Variants in GNMT observed in about 807,000 individuals in gnomAD.
GNMT encodes epididymis secretory sperm binding protein Li 182mP.
GNMT carries 26 observed loss-of-function variants against 30.2 expected under a neutral mutation model. The observed-to-expected ratio is 0.86, with a 90% confidence interval of 0.63 to 1.19. GNMT has a LOEUF of 1.19. GNMT is among the 50% of genes most tolerant of loss of function. The pLI, the probability that GNMT is intolerant of heterozygous loss-of-function variation, is 0.00. For synonymous variants in GNMT, 163 were observed against 163.8 expected (o/e 1.00, Z 0.04); for missense variants, 365 against 398.1 (o/e 0.92, Z 0.71).
rs370786846 is a variant in GNMT at position 42,962,767 on chromosome 6, G to C, written c.340G>C (p.Glu114Gln). The change falls in exon 3 of 6, where the codon GAA (glutamate) becomes CAA (glutamine). Residue 114 changes from glutamate (E) to glutamine (Q), a missense_variant. By Grantham distance (29) the Glu-to-Gln change is conservative. Around this residue, in one of 3 missense-constraint regions of GNMT, gnomAD observed 232 missense variants for 263.0 expected, o/e 0.88. Transcript: ENST00000372808. ...HEPAFDKWVI[E>Q]EANWMTLDKD... ...TTTCTCTTCCTGACCCCTAGTCATC[G>C]AAGAAGCCAACTGGATGACTCTGGA... 6.2e-7 allele frequency: 1 copy of C among 1,612,540 alleles called. No homozygotes were observed. The highest frequency in any genetic ancestry group is 8.5e-7 in the Non-Finnish European group (1 of 1,178,536).
At position 42,962,281 on chromosome 6, in the gene GNMT, G is replaced by C; in HGVS notation, c.276G>C (p.Leu92=). The C allele has an allele frequency of 1.9e-6, 3 of 1,614,158 alleles. No homozygotes were observed. Among genetic ancestry groups the C allele is most frequent in the Non-Finnish European group, 2.5e-6 (3 of 1,180,010 alleles). ...GTGTGGATGCCAGTGACAAGATGCTGAAGTATGCACTTAAGGAGCGCTGGA... is the reference window on the plus strand; with the variant it reads ...GTGTGGATGCCAGTGACAAGATGCTCAAGTATGCACTTAAGGAGCGCTGGA... The part of the protein sequence containing the change: ...VTSVDASDKM[L]KYALKERWNR... Residue 92 remains leucine, a synonymous_variant, in exon 2 of 6, where the codon CTG becomes CTC. Transcript: ENST00000372808.
rs529994595 is a variant in GNMT, at chr6:42,962,639, C to T, written c.335-123C>T. 237 of 829,006 alleles carry T rather than the reference C, an allele frequency of 2.9e-4. 1 individual carries two copies. The highest frequency in any genetic ancestry group is 7.1e-4 in the South Asian group (53 of 74,828). The allele number at this position is 829,006 out of a possible 1,614,324, so 51.4% of individuals were successfully genotyped here. ...CCCTTGATCCCTCTTTTCTCCTCCC[C>T]CTAACTGAACGGGGAGCTTGTGTGT... is the stretch of plus-strand genomic sequence containing the variant. On this transcript the variant is annotated intron_variant, in intron 2 of 5. Coordinates refer to ENST00000372808, the MANE Select transcript of GNMT (RefSeq NM_018960.6).
chr6:42,962,129 A>G, intron 1 of GNMT, 83 bp from the exon 2 acceptor site: 7 of 1,475,142 alleles, frequency 4.7e-6, no homozygotes, highest in Non-Finnish European at 5.7e-6. Context: ...TAGAGACAAA[A>G]GTGTCCAGTG....
At chr6:42,961,861 T>C (rs1769410245) in intron 1 of GNMT, among the ~76,000 whole-genome samples, 1 of 152,192 alleles carries the variant, frequency 6.6e-6, no homozygotes, top group Non-Finnish European at 1.5e-5. Context: ...CTTTGTCCTG[T>C]GCTCTAAACC....
At position 42,960,805 on chromosome 6, in the gene GNMT, T is replaced by G. The variant is rs1300239369; in HGVS notation, c.38T>G (p.Val13Gly). The G allele has an allele frequency of 1.9e-6, 3 of 1,553,268 alleles. No homozygotes were observed. The Admixed American group carries it at 5.7e-5, about 30-fold the overall frequency. Residue 13 changes from valine to glycine, a missense_variant, in exon 1 of 6, where the codon GTG becomes GGG. Transcript: ENST00000372808. ...DSVYRTRSLGVAAEGLPDQYA... is the reference protein window; with the variant it reads ...DSVYRTRSLGGAAEGLPDQYA... ...GTGTACCGGACCCGCTCCCTGGGGG[T>G]GGCGGCCGAAGGGCTCCCGGACCAG...
chr6:42,961,334 C>T (rs1291500984), intron 1 of GNMT, among the ~76,000 whole-genome samples: 1 of 152,170 alleles, frequency 6.6e-6, no homozygotes, highest in Non-Finnish European at 1.5e-5. Flanking sequence ...GTTAACATTG[C>T]TCAACATTTG....
chr6:42,961,550 C>CTTTTTTTTTTT lies in GNMT; in HGVS notation c.206+588_206+598dup, dbSNP rs575786265. Among the ~76,000 whole-genome samples the CTTTTTTTTTTT allele has an allele frequency of 6.5e-4, 85 of 130,626 alleles. 2 individuals carry two copies. Among genetic ancestry groups the CTTTTTTTTTTT allele is most frequent in the South Asian group, 1.5e-3 (6 of 3,932 alleles). The allele number at this position is 130,626 out of a possible 152,430, so 85.7% of individuals were successfully genotyped here. A position where few individuals can be genotyped will look rare whatever the true frequency, so the allele number is the denominator to read the frequency against. On this transcript the variant is annotated intron_variant, in intron 1 of 5. Coordinates refer to ENST00000372808, the MANE Select transcript of GNMT (RefSeq NM_018960.6). The stretch of plus-strand genomic sequence containing the variant: ...GATCTGTCCTGTGCTCTATTTTTCT[C>CTTTTTTTTTTT]TTTTTTTTTTTTTTTTTTTTTGAGA...
Position 42,962,223 on chromosome 6 carries a change from T to C in GNMT, c.218T>C (p.Ile73Thr). 6.2e-7 allele frequency: 1 copy of C among 1,614,008 alleles called. No individual in the cohort carries two copies. Among genetic ancestry groups the C allele is most frequent in the Non-Finnish European group, 8.5e-7 (1 of 1,179,958 alleles). The change falls in exon 2 of 6, where the codon ATT becomes ACT. Residue 73 changes from isoleucine (I) to threonine (T), a missense_variant. Coordinates refer to ENST00000372808, the MANE Select transcript of GNMT (RefSeq NM_018960.6). Reference sequence around the variant, plus strand: ...CTGGCCGTACTCAGGGTGGACTCCATTATGCTGGTGGAAGAGGGCTTCAGT... The same window carrying C: ...CTGGCCGTACTCAGGGTGGACTCCACTATGCTGGTGGAAGAGGGCTTCAGT... ...DVACGTGVDS[I>T]MLVEEGFSVT...
intron 4 of GNMT, 28 bp from the exon 5 acceptor site, chr6:42,963,300 C>T (rs773579103): frequency 8.2e-6 from 13 of 1,592,326 alleles, no homozygotes; most frequent in Admixed American, 1.8e-5. Flanking sequence ...GTTACAGAGG[C>T]TAATGCCGGC....
At chr6:42,961,113 G>A in intron 1 of GNMT, 140 bp downstream of exon 1, 2 of 721,310 alleles carry the variant, frequency 2.8e-6, no homozygotes, top group African/African-American at 3.6e-5. Context: ...CCAGGGCCAG[G>A]AGCAGGTACC....
At chr6:42,961,667 C>T (rs907631513) in intron 1 of GNMT, among the ~76,000 whole-genome samples, 26 of 151,070 alleles carry the variant, frequency 1.7e-4, no homozygotes, top group Non-Finnish European at 3.4e-4. Context: ...CATTCTCCTG[C>T]CTCAGCCTCC....
At position 42,963,631 on chromosome 6, in the gene GNMT, C is replaced by A. The variant is rs949812301; in HGVS notation, c.813C>A (p.Gly271=). 1 of 1,614,146 alleles carries A rather than the reference C, an allele frequency of 6.2e-7. No individual in the cohort carries two copies. The highest frequency in any genetic ancestry group is 8.5e-7 in the Non-Finnish European group (1 of 1,179,954). ...FGGKCQHSVL[G]DFKPYKPGQT... is the part of the protein sequence containing the mutation. Reference sequence around the variant, plus strand: ...GTAAGTGCCAGCACAGCGTCCTGGGCGACTTCAAGCCTTACAAGCCAGGCC... The same window carrying A: ...GTAAGTGCCAGCACAGCGTCCTGGGAGACTTCAAGCCTTACAAGCCAGGCC... The change falls in exon 6 of 6, where the codon GGC becomes GGA. Residue 271 remains glycine, a synonymous_variant. Coordinates refer to ENST00000372808, the MANE Select transcript of GNMT (RefSeq NM_018960.6).
At position 42,962,240 on chromosome 6, in the gene GNMT, G is replaced by A; in HGVS notation, c.235G>A (p.Gly79Ser). The change falls in exon 2 of 6, where the codon GGC becomes AGC. Residue 79 changes from glycine (G) to serine (S), a missense_variant. Gly to Ser is a moderately conservative substitution (Grantham distance 56). Coordinates refer to ENST00000372808, the MANE Select transcript of GNMT (RefSeq NM_018960.6). ...GVDSIMLVEE[G>S]FSVTSVDASD... ...GGACTCCATTATGCTGGTGGAAGAG[G>A]GCTTCAGTGTGACGAGTGTGGATGC... 1 of 1,614,142 alleles carries A rather than the reference G, an allele frequency of 6.2e-7. No individual in the cohort carries two copies. The highest frequency in any genetic ancestry group is 8.5e-7 in the Non-Finnish European group (1 of 1,180,030).
At chr6:42,962,171 C>G (rs1174920692) in intron 1 of GNMT, 41 bp from the exon 2 acceptor site, 1 of 1,613,746 alleles carries the variant, frequency 6.2e-7, no homozygotes, top group Admixed American at 1.7e-5. Flanking sequence ...CCAGGCTCCC[C>G]TAACTGCCTC....
intron 3 of GNMT, 86 bp from the exon 4 acceptor site, chr6:42,962,986 A>C (rs1042140749): frequency 6.3e-7 from 1 of 1,584,076 alleles, no homozygotes; most frequent in Non-Finnish European, 8.7e-7. Flanking sequence ...TGGCTCTGGC[A>C]CCCCTGGGGA....
At chr6:42,961,247 G>A (rs979396125) in intron 1 of GNMT, among the ~76,000 whole-genome samples, 1 of 152,162 alleles carries the variant, frequency 6.6e-6, no homozygotes, top group South Asian at 2.1e-4. Context: ...AAAAGTGAGC[G>A]TCCCTGAGGC....
chr6:42,961,727 G>T (rs982466351), intron 1 of GNMT, among the ~76,000 whole-genome samples: 1 of 151,894 alleles, frequency 6.6e-6, no homozygotes, highest in African/African-American at 2.4e-5. Context: ...CTAATATTTT[G>T]TATTTTTAGT....
At position 42,962,852 on chromosome 6, in the gene GNMT, GTTTC is replaced by G; in HGVS notation, c.426_429del (p.Ser142ArgfsTer18). The G allele has an allele frequency of 6.2e-7, 1 of 1,614,058 alleles. No individual in the cohort carries two copies. Among genetic ancestry groups the G allele is most frequent in the South Asian group, 1.1e-5 (1 of 91,090 alleles). ...GATGCTGTCATCTGCCTTGGAAACA[GTTTC>G]GCTCACTTGCCAGACTGCAAAGGTA... On this transcript the variant is annotated frameshift_variant, in exon 3 of 6. Transcript: ENST00000372808. LOFTEE classifies it high-confidence loss of function.
At position 42,963,358 on chromosome 6, in the gene GNMT, G is replaced by A; in HGVS notation, c.625G>A (p.Val209Met). 6.2e-7 allele frequency: 1 copy of A among 1,613,168 alleles called. No homozygotes were observed. Among genetic ancestry groups the A allele is most frequent in the Non-Finnish European group, 8.5e-7 (1 of 1,179,608 alleles). ...CTTGACCAAGGACGTCACAACATCA[G>A]TGCTGATAGTGAACAACAAGGCCCA... is the stretch of plus-strand genomic sequence containing the variant. ...SDLTKDVTTS[V>M]LIVNNKAHMV... Residue 209 changes from valine to methionine, a missense_variant, in exon 5 of 6, where the codon GTG (valine) becomes ATG (methionine). Val to Met is a conservative substitution (Grantham distance 21, BLOSUM62 1). Coordinates refer to ENST00000372808, the MANE Select transcript of GNMT (RefSeq NM_018960.6).
Sources: gnomAD v4.1 joint callset for allele counts (sites outside exome capture counted in the v4.1 genomes callset) on GRCh38, gnomAD v4.1.1 for gene constraint, gnomAD v4.1.1 regional missense constraint, MANE v1.5 for transcripts, NCBI Gene and HGNC (gene_info 2026-07-23, HGNC 2026-07-21) for gene names.